The following FER1L5 variants were observed in gnomAD, a reference collection of about 807,000 sequenced individuals.
FER1L5 encodes the protein fer-1 like family member 5, also known as fer-1-like protein 5.
A neutral mutation model predicts 279.9 loss-of-function variants in FER1L5; 187 were observed. The observed-to-expected ratio is 0.67, with a 90% CI of 0.59 to 0.75. The LOEUF (loss-of-function observed/expected upper bound fraction) is 0.75, where lower values mean the gene tolerates loss of function less well. FER1L5 is among the 30% of genes least tolerant of loss of function. The pLI is 0.00. For synonymous variants in FER1L5, 921 were observed against 989.7 expected (o/e 0.93, Z 1.30); for missense variants, 2,091 against 2,594.4 (o/e 0.81, Z 4.21).
chr2:96,673,531 G>A (rs1173996135), intron 19 of FER1L5, among the ~76,000 whole-genome samples: 2 of 151,830 alleles, frequency 1.3e-5, no homozygotes, highest in Admixed American at 1.3e-4. Context: ...CCCCTACTCT[G>A]AACCACCTCT....
rs528226454 is a variant in FER1L5 at position 96,702,515 on chromosome 2, C to T, written c.5256-85C>T. The T allele has an allele frequency of 4.3e-5, 66 of 1,548,248 alleles. No homozygotes were observed. In the African/African-American group the frequency reaches 6.7e-4, roughly 16 times the overall value. ...CTCTCCATCCAGCTCTGCCTGGCGT[C>T]GGCTGGGCAGCCCTTCCCATGGGGC... On this transcript the variant is annotated intron_variant, in intron 47 of 52. Coordinates refer to ENST00000624922, the MANE Select transcript of FER1L5 (RefSeq NM_001293083.2). The surrounding 1 kb of genome is among the most constrained non-coding windows in gnomAD (Gnocchi z 4.0).
At position 96,693,867 on chromosome 2, in the gene FER1L5, C is replaced by T. The variant is rs1472377224; in HGVS notation, c.3475-44C>T. ...TTGAGAAGCCCAGACAGAGCTGGGC[C>T]CTGCCAGCATGGCCTCCATGCTTTG... On this transcript the variant is annotated intron_variant, in intron 32 of 52. Transcript: ENST00000624922. 6 of 1,510,070 alleles carry T rather than the reference C, an allele frequency of 4.0e-6. No individual in the cohort carries two copies. In the Admixed American group the frequency reaches 8.6e-5, roughly 22 times the overall value. The allele number at this position is 1,510,070 out of a possible 1,614,324, so 93.5% of individuals were successfully genotyped here.
At chr2:96,643,787 G>C (rs2074990670) in intron 1 of FER1L5, among the ~76,000 whole-genome samples, 1 of 151,776 alleles carries the variant, frequency 6.6e-6, no homozygotes, top group African/African-American at 2.4e-5. Flanking sequence ...GGGAAAGAAA[G>C]GGGAGAAAGA....
At chr2:96,695,329 C>A in intron 34 of FER1L5, 180 bp from the exon 35 acceptor site, 1 of 803,874 alleles carries the variant, frequency 1.2e-6, no homozygotes, top group Non-Finnish European at 1.9e-6. Flanking sequence ...ACTGATCCCT[C>A]ACAGGACGGG....
At position 96,691,046 on chromosome 2, in the gene FER1L5, C is replaced by T; in HGVS notation, c.2744-144C>T. ...AGGCCACTCAGGTGACACAGTGTAGCCACACTCTCCTTTCCACACCTCAGG... is the reference window on the plus strand; with the variant it reads ...AGGCCACTCAGGTGACACAGTGTAGTCACACTCTCCTTTCCACACCTCAGG... On this transcript the variant is annotated intron_variant, in intron 27 of 52. Coordinates refer to ENST00000624922, the MANE Select transcript of FER1L5 (RefSeq NM_001293083.2). The surrounding 1 kb of genome is among the most constrained non-coding windows in gnomAD (Gnocchi z 6.0). The T allele has an allele frequency of 9.1e-7, 1 of 1,101,028 alleles. No individual in the cohort carries two copies. Among genetic ancestry groups the T allele is most frequent in the Non-Finnish European group, 1.3e-6 (1 of 794,192 alleles). 68.2% of individuals were successfully genotyped at this position (1,101,028 alleles called of 1,614,324 possible). A position where few individuals can be genotyped will look rare whatever the true frequency, so the allele number is the denominator to read the frequency against.
Position 96,661,810 on chromosome 2 carries a change from G to A in FER1L5, c.1018+19G>A. 1 of 1,551,068 alleles carries A rather than the reference G, an allele frequency of 6.4e-7. No individual in the cohort carries two copies. The highest frequency in any genetic ancestry group is 8.7e-7 in the Non-Finnish European group (1 of 1,146,836). ...CACCTCAGTTAGAGTCTGGGTGCAG[G>A]GGAGGGAGCAGCCCTGAGATTCCCT... On this transcript the variant is annotated intron_variant, in intron 12 of 52. Transcript: ENST00000624922.
rs1384191958 is a variant in FER1L5, at chr2:96,703,196, G to C, written c.5541G>C (p.Arg1847=). 1.9e-6 allele frequency: 3 copies of C among 1,613,426 alleles called. No individual in the cohort carries two copies. Among genetic ancestry groups the C allele is most frequent in the Non-Finnish European group, 2.5e-6 (3 of 1,179,630 alleles). Residue 1847 remains arginine (R), a synonymous_variant, in exon 50 of 53, where the codon CGG becomes CGC. Transcript: ENST00000624922. Reference sequence around the variant, plus strand: ...TGTCTGACATGCCCCTCCCGGCTCGGCACGCCAAGCAGTGCTCCATCAGGA... The same window carrying C: ...TGTCTGACATGCCCCTCCCGGCTCGCCACGCCAAGCAGTGCTCCATCAGGA... The part of the protein sequence containing the change: ...LDLSDMPLPA[R]HAKQCSIRMM...
chr2:96,664,318 C>T (rs1376690010), intron 14 of FER1L5, among the ~76,000 whole-genome samples: 2 of 152,142 alleles, frequency 1.3e-5, no homozygotes, highest in African/African-American at 4.8e-5. Flanking sequence ...CCTAATGCCT[C>T]TTGGGAATCC....
intron 9 of FER1L5, among the ~76,000 whole-genome samples, chr2:96,658,004 G>A (rs2075666017): frequency 6.6e-6 from 1 of 151,784 alleles, no homozygotes; most frequent in African/African-American, 2.4e-5. Context: ...GGTATATGTG[G>A]TATATGTTTA....
chr2:96,685,282 C>A (rs1406105365), intron 20 of FER1L5, 47 bp from the exon 21 acceptor site: 1 of 1,508,896 alleles, frequency 6.6e-7, no homozygotes, highest in Non-Finnish European at 9.0e-7. Flanking sequence ...TCCAGCTGGG[C>A]TCCATGCTGA....
chr2:96,649,720 C>T (rs1330489327), intron 5 of FER1L5, 43 bp downstream of exon 5: 3 of 1,540,580 alleles, frequency 1.9e-6, no homozygotes, highest in South Asian at 2.4e-5. Context: ...CCTACCCTGC[C>T]TTTCTGCATG....
intron 9 of FER1L5, among the ~76,000 whole-genome samples, chr2:96,659,034 CCCCT>C (rs899231945): frequency 2.0e-5 from 3 of 151,986 alleles, no homozygotes; most frequent in African/African-American, 7.3e-5. Context: ...CAAGCTCCAC[CCCCT>C]GGGTTCATGC....
rs1378603227 is a variant in FER1L5 at position 96,691,329 on chromosome 2, G to A, written c.2883G>A (p.Gln961=). ...ACCATGGGGAGCTGAGCCACGAGCA[G>A]GAGACCCTCTCCTTCCTGCAGCTGG... is the stretch of plus-strand genomic sequence containing the variant. ...FRNHGELSHE[Q]ETLSFLQLGL... The change falls in exon 28 of 53, where the codon CAG becomes CAA. Residue 961 remains glutamine, a synonymous_variant. Transcript: ENST00000624922. The surrounding 1 kb of genome is among the most constrained non-coding windows in gnomAD (Gnocchi z 6.0). The A allele has an allele frequency of 1.9e-6, 3 of 1,550,282 alleles. No individual in the cohort carries two copies. Among genetic ancestry groups the A allele is most frequent in the Non-Finnish European group, 2.6e-6 (3 of 1,146,606 alleles).
rs938972095 is a variant in FER1L5, at chr2:96,665,736, C to T, written c.1140+2229C>T. On this transcript the variant is annotated intron_variant, in intron 14 of 52. Coordinates refer to ENST00000624922, the MANE Select transcript of FER1L5 (RefSeq NM_001293083.2). ...GAGTAGCTGGGGCTACAGGTGCCTA[C>T]CACCAAGCCTGGCTAATTTTCATAT... Among the ~76,000 whole-genome samples the T allele has an allele frequency of 1.2e-4, 19 of 152,002 alleles. 1 individual carries two copies. The highest frequency in any genetic ancestry group is 5.2e-4 in the Admixed American group (8 of 15,252).
Position 96,693,905 on chromosome 2 carries a change from C to A in FER1L5, c.3475-6C>A. ...CCTCCATGCTTTGTGAACTTCCCCC[C>A]TCCAGGGCAAGGAGAGCTTGTGGGG... On this transcript the variant is annotated splice_polypyrimidine_tract_variant and splice_region_variant and intron_variant, in intron 32 of 52. Coordinates refer to ENST00000624922, the MANE Select transcript of FER1L5 (RefSeq NM_001293083.2). 1.3e-6 allele frequency: 2 copies of A among 1,543,918 alleles called. No individual in the cohort carries two copies. The highest frequency in any genetic ancestry group is 1.7e-4 in the Middle Eastern group (1 of 5,776).
chr2:96,669,051 T>TCCGGCTTCCTGCCCTGCTTTGGCC lies in FER1L5; in HGVS notation c.1279_1302dup (p.Gly427_Pro434dup). 4 of 1,551,672 alleles carry TCCGGCTTCCTGCCCTGCTTTGGCC rather than the reference T, an allele frequency of 2.6e-6. No individual in the cohort carries two copies. Among genetic ancestry groups the TCCGGCTTCCTGCCCTGCTTTGGCC allele is most frequent in the Non-Finnish European group, 3.5e-6 (4 of 1,146,972 alleles). On this transcript the variant is annotated inframe_insertion, in exon 17 of 53. Transcript: ENST00000624922. Reference sequence around the variant, plus strand: ...ACTCTCTCTCCTTCCAGGAGTGTACTCCGGCTTCCTGCCCTGCTTTGGCCC... The same window carrying TCCGGCTTCCTGCCCTGCTTTGGCC: ...ACTCTCTCTCCTTCCAGGAGTGTACTCCGGCTTCCTGCCCTGCTTTGGCCCCGGCTTCCTGCCCTGCTTTGGCCC...
rs1260723482 is a variant in FER1L5, at chr2:96,702,577, A to G, written c.5256-23A>G. The G allele has an allele frequency of 1.3e-6, 2 of 1,558,030 alleles. No homozygotes were observed. The highest frequency in any genetic ancestry group is 1.7e-6 in the Non-Finnish European group (2 of 1,151,062). On this transcript the variant is annotated intron_variant, in intron 47 of 52. Transcript: ENST00000624922. This position sits in a 1 kb window ranked among gnomAD's most constrained non-coding sequence, Gnocchi z 4.0. ...GATGGGGCCAATGCACATGAGCCAC[A>G]GGTGATAGGACTCTGGCCCCAGGTG...
intron 51 of FER1L5, among the ~76,000 whole-genome samples, 176 bp downstream of exon 51, chr2:96,703,808 CCTT>C (rs1398270507): frequency 1.9e-3 from 234 of 124,194 alleles, no homozygotes; most frequent in Middle Eastern, 8.3e-3. Context: ...GCAAAAGTTG[CCTT>C]TTTTTTTTTT....
rs1463663419 is a variant in FER1L5, at chr2:96,647,063, G to A, written c.139-1G>A. The A allele has an allele frequency of 1.0e-5, 16 of 1,551,470 alleles. No individual in the cohort carries two copies. The highest frequency in any genetic ancestry group is 1.3e-5 in the Non-Finnish European group (15 of 1,146,970). On this transcript the variant is annotated splice_acceptor_variant, in intron 2 of 52. Coordinates refer to ENST00000624922, the MANE Select transcript of FER1L5 (RefSeq NM_001293083.2). LOFTEE classifies it high-confidence loss of function. ...TGCTGACCTCTCTATGCCCCCCACA[G>A]ACCCTAATCTGGCACCTCTGGAACC...
Sources: allele counts gnomAD v4.1 joint callset (sites outside exome capture counted in the v4.1 genomes callset), GRCh38; gene constraint gnomAD v4.1.1; non-coding constraint Gnocchi (gnomAD v3.1); transcripts MANE v1.5; gene names NCBI Gene and HGNC (gene_info 2026-07-23, HGNC 2026-07-21).